Variants in CSTF3 observed in about 807,000 individuals in gnomAD.
CSTF3 encodes cleavage stimulation factor subunit 3, also known as CF-1 77 kDa subunit.
A neutral mutation model predicts 105.8 loss-of-function variants in CSTF3; 29 were observed. That is an observed-to-expected ratio of 0.27 (90% CI 0.20 to 0.37). The LOEUF (loss-of-function observed/expected upper bound fraction) is 0.37, where lower values mean the gene tolerates loss of function less well. CSTF3 is among the 10% of genes least tolerant of loss of function. The pLI is 1.00. For synonymous variants in CSTF3, 252 were observed against 281.9 expected (o/e 0.89, Z 1.06); for missense variants, 357 against 879.3 (o/e 0.41, Z 7.51).
chr11:33,127,757 A>G (rs1311881603), intron 3 of CSTF3, among the ~76,000 whole-genome samples: 1 of 152,192 alleles, frequency 6.6e-6, no homozygotes. Flanking sequence ...TCTCAATTTT[A>G]ACCAGTCTTT....
rs1382679370 is a variant in CSTF3, at chr11:33,108,148, TTAGA to T, written c.259-152_259-149del. ...AGCAAATAATTTCCCCATTTTCAGT[TTAGA>T]TAATTAAAATGCTTCTCATGATTTG... On this transcript the variant is annotated intron_variant, in intron 4 of 20. Transcript: ENST00000323959. 4.3e-5 allele frequency: 27 copies of T among 624,422 alleles called. No individual in the cohort carries two copies. The African/African-American group carries it at 5.0e-4, about 12-fold the overall frequency. 38.7% of individuals were successfully genotyped at this position (624,422 alleles called of 1,614,324 possible).
At chr11:33,107,401 T>TA (rs1290995677) in intron 5 of CSTF3, among the ~76,000 whole-genome samples, 2 of 152,144 alleles carry the variant, frequency 1.3e-5, no homozygotes, top group Non-Finnish European at 2.9e-5. Context: ...ACTTGCCTGT[T>TA]AGTTACATAG....
At chr11:33,114,352 T>C (rs1202525627) in intron 3 of CSTF3, among the ~76,000 whole-genome samples, 1 of 152,174 alleles carries the variant, frequency 6.6e-6, no homozygotes, top group African/African-American at 2.4e-5. Context: ...AATGCTGATG[T>C]AAGTGCCGAC....
At chr11:33,120,387 T>C (rs1391926607) in intron 3 of CSTF3, among the ~76,000 whole-genome samples, 2 of 151,924 alleles carry the variant, frequency 1.3e-5, no homozygotes, top group African/African-American at 2.4e-5. Context: ...TTAGAGTTTT[T>C]TTCTTATAAT....
intron 1 of CSTF3, chr11:33,156,797 T>G (rs1404339253): frequency 2.3e-6 from 1 of 436,172 alleles, no homozygotes; most frequent in South Asian, 1.6e-5. Context: ...TGAGACCTCG[T>G]CTCTACCTAA....
Position 33,096,354 on chromosome 11 carries a change from T to A in CSTF3, c.1327A>T (p.Ile443Phe). The part of the protein sequence containing the change: ...FELGLKKYGD[I>F]PEYVLAYIDY... ...ATATAGGCCAGGACATACTCTGGAA[T>A]GTCTCCATATTTTTTTAGCCCCAGC... The change falls in exon 15 of 21, where the codon ATT becomes TTT. Residue 443 changes from isoleucine (I) to phenylalanine (F), a missense_variant. Physicochemically the swap from Ile to Phe is conservative, Grantham distance 21. Transcript: ENST00000323959. 3 of 1,601,458 alleles carry A rather than the reference T, an allele frequency of 1.9e-6. No individual in the cohort carries two copies. The highest frequency in any genetic ancestry group is 2.5e-6 in the Non-Finnish European group (3 of 1,177,528).
At chr11:33,085,314 T>C in intron 20 of CSTF3, 25 bp from the exon 21 acceptor site, 1 of 1,503,970 alleles carries the variant, frequency 6.6e-7, no homozygotes, top group Non-Finnish European at 8.9e-7. Context: ...CAACAAAACG[T>C]AAAAACATAT....
intron 3 of CSTF3, among the ~76,000 whole-genome samples, chr11:33,123,738 A>C (rs1434978478): frequency 1.3e-5 from 2 of 152,158 alleles, no homozygotes; most frequent in Admixed American, 1.3e-4. Flanking sequence ...TATTAATGTA[A>C]AGGACAGAAC....
chr11:33,118,123 T>C (rs913428534), intron 3 of CSTF3, among the ~76,000 whole-genome samples: 4 of 151,726 alleles, frequency 2.6e-5, no homozygotes, highest in Non-Finnish European at 4.4e-5. Flanking sequence ...TTACAGCTGA[T>C]TTTGAACGGT....
At chr11:33,135,245 A>G (rs1186275912) in intron 3 of CSTF3, among the ~76,000 whole-genome samples, 1 of 152,168 alleles carries the variant, frequency 6.6e-6, no homozygotes, top group Non-Finnish European at 1.5e-5. Flanking sequence ...TGTGAATCTA[A>G]CAGTTACAAT....
chr11:33,143,913 C>T (rs1463028598), intron 1 of CSTF3, among the ~76,000 whole-genome samples: 1 of 150,740 alleles, frequency 6.6e-6, no homozygotes, highest in Non-Finnish European at 1.5e-5. Flanking sequence ...TGGCGTGAAC[C>T]CAGGAGGCGG....
At chr11:33,106,520 G>A (rs1855327142) in intron 5 of CSTF3, among the ~76,000 whole-genome samples, 1 of 152,124 alleles carries the variant, frequency 6.6e-6, no homozygotes, top group Non-Finnish European at 1.5e-5. Context: ...TCTGAGGCCA[G>A]GAGTCGGAGA....
chr11:33,111,772 G>T (rs1565007934), intron 3 of CSTF3, among the ~76,000 whole-genome samples: 1 of 152,140 alleles, frequency 6.6e-6, no homozygotes, highest in Non-Finnish European at 1.5e-5. Context: ...ATAAATGTAT[G>T]TAGAAAGACA....
chr11:33,144,158 T>A (rs902433538), intron 1 of CSTF3, among the ~76,000 whole-genome samples: 2 of 152,074 alleles, frequency 1.3e-5, no homozygotes, highest in African/African-American at 4.8e-5. Context: ...TAGTATTTCA[T>A]GGAACAATTC....
chr11:33,106,901 T>C (rs1187903931), intron 5 of CSTF3, among the ~76,000 whole-genome samples: 1 of 152,240 alleles, frequency 6.6e-6, no homozygotes, highest in Non-Finnish European at 1.5e-5. Flanking sequence ...ATCTGGAAAG[T>C]ATAGTTTTAT....
At chr11:33,085,379 C>T (rs1855094425) in intron 20 of CSTF3, 90 bp from the exon 21 acceptor site, 9 of 806,842 alleles carry the variant, frequency 1.1e-5, no homozygotes, top group Admixed American at 3.4e-5. Flanking sequence ...TCATAGCCTA[C>T]TATTTTAGCA....
At chr11:33,130,296 A>G (rs1030211743) in intron 3 of CSTF3, among the ~76,000 whole-genome samples, 1 of 152,078 alleles carries the variant, frequency 6.6e-6, no homozygotes, top group Non-Finnish European at 1.5e-5. Context: ...AACGTGGTGA[A>G]AGCCTGTCTC....
At chr11:33,102,472 A>C in intron 9 of CSTF3, 133 bp from the exon 10 acceptor site, 1 of 740,640 alleles carries the variant, frequency 1.4e-6, no homozygotes, top group South Asian at 2.0e-5. Context: ...ATATAATCTA[A>C]AAACTATTTA....
At chr11:33,093,659 C>T (rs1405178541) in intron 15 of CSTF3, among the ~76,000 whole-genome samples, 1 of 152,000 alleles carries the variant, frequency 6.6e-6, no homozygotes, top group Non-Finnish European at 1.5e-5. Context: ...TCTTTGAAAT[C>T]TGGTATGTAT....
Sources: gnomAD v4.1 joint callset for allele counts (sites outside exome capture counted in the v4.1 genomes callset) on GRCh38, gnomAD v4.1.1 for gene constraint, MANE v1.5 for transcripts, NCBI Gene and HGNC (gene_info 2026-07-23, HGNC 2026-07-21) for gene names.